The following TENM2 variants were observed in gnomAD, a reference collection of about 807,000 sequenced individuals.
The protein encoded by TENM2 is teneurin transmembrane protein 2.
Under a neutral mutation model 245.2 loss-of-function variants are expected in TENM2, and 52 were observed. That is an observed-to-expected ratio of 0.21 (90% confidence interval 0.17 to 0.27). TENM2 has a LOEUF of 0.27. Ranked by LOEUF, TENM2 falls within the 10% of genes least tolerant of loss-of-function variation. TENM2 has a pLI of 1.00. For missense variants in TENM2, 3,046 were observed against 3,666.8 expected, an observed-to-expected ratio of 0.83 and a Z score of 4.37; for synonymous variants, 1,363 against 1,438.9, an observed-to-expected ratio of 0.95 and a Z score of 1.19.
chr5:167,283,237 C>T (rs547337825), upstream of TENM2, among the ~76,000 whole-genome samples: 7 of 151,752 alleles, frequency 4.6e-5, no homozygotes, highest in East Asian at 3.9e-4. Context: ...TCAGTAGAGA[C>T]GGGGTTTCAC....
At chr5:167,627,167 C>A (rs1324725727) in intron 2 of TENM2, among the ~76,000 whole-genome samples, 1 of 152,170 alleles carries the variant, frequency 6.6e-6, no homozygotes, top group African/African-American at 2.4e-5. Context: ...AAAGTTTAAA[C>A]CACTCTAATG....
At chr5:168,213,576 G>T (rs1316104743) in intron 20 of TENM2, among the ~76,000 whole-genome samples, 1 of 151,878 alleles carries the variant, frequency 6.6e-6, no homozygotes, top group Non-Finnish European at 1.5e-5. Context: ...TATAATCCCA[G>T]CACTTAGGGA....
Position 167,592,007 on chromosome 5 carries a change from G to C in TENM2, c.502+216534G>C, listed in dbSNP as rs544827983. ...GAGGGAGCTGAGATCAAGTGATACAGCATTTGCCAGGAGGTGGGTATTCCA... is the reference window on the plus strand; with the variant it reads ...GAGGGAGCTGAGATCAAGTGATACACCATTTGCCAGGAGGTGGGTATTCCA... On this transcript the variant is annotated intron_variant, in intron 2 of 28. Coordinates refer to ENST00000518659, the Ensembl canonical transcript of TENM2. Among the ~76,000 whole-genome samples, 7 of 152,334 alleles carry C rather than the reference G, an allele frequency of 4.6e-5. No individual in the cohort carries two copies. In the South Asian group the frequency reaches 1.2e-3, roughly 27 times the overall value.
the TENM2 span, among the ~76,000 whole-genome samples, chr5:167,267,113 G>A: frequency 6.6e-6 from 1 of 152,100 alleles, no homozygotes; most frequent in Non-Finnish European, 1.5e-5. Flanking sequence ...TCGTGCTGGT[G>A]AACCTAGGAA....
chr5:167,013,801 GT>G, the TENM2 span, among the ~76,000 whole-genome samples: 1 of 152,220 alleles, frequency 6.6e-6, no homozygotes, highest in Non-Finnish European at 1.5e-5. Flanking sequence ...ATTTGGGCAA[GT>G]TTACTTCCTA....
At chr5:168,170,554 A>G (rs1562242685) in intron 13 of TENM2, among the ~76,000 whole-genome samples, 1 of 151,962 alleles carries the variant, frequency 6.6e-6, no homozygotes, top group East Asian at 1.9e-4. Flanking sequence ...AGGAAGGAAG[A>G]AAGGAAGGAA....
chr5:167,086,929 G>GCACACACACACA, the TENM2 span, among the ~76,000 whole-genome samples: 2 of 90,856 alleles, frequency 2.2e-5, no homozygotes, highest in African/African-American at 6.5e-5. Context: ...ACACACACAC[G>GCACACACACACA]CACACACACA....
intron 1 of TENM2, among the ~76,000 whole-genome samples, chr5:167,358,476 T>G (rs1360867633): frequency 3.3e-5 from 5 of 151,290 alleles, no homozygotes; most frequent in African/African-American, 1.2e-4. Flanking sequence ...CTTCTTTTTT[T>G]TTTTCTGTTT....
In TENM2 at chr5:167,430,307, C is replaced by G. The variant is rs1344746847; in HGVS notation, c.502+54834C>G. Among the ~76,000 whole-genome samples the G allele has an allele frequency of 2.6e-5, 4 of 152,150 alleles. 1 individual carries two copies. In the South Asian group the frequency reaches 8.3e-4, roughly 32 times the overall value. Reference sequence around the variant, plus strand: ...AATGGCCATCACGATCAATCAAACTCGTACGGTAGAGATTAAATAAAATAA... The same window carrying G: ...AATGGCCATCACGATCAATCAAACTGGTACGGTAGAGATTAAATAAAATAA... On this transcript the variant is annotated intron_variant, in intron 2 of 28. Coordinates refer to ENST00000518659, the Ensembl canonical transcript of TENM2.
chr5:168,194,096 C>T (rs547516040), intron 14 of TENM2, among the ~76,000 whole-genome samples: 3 of 152,282 alleles, frequency 2.0e-5, no homozygotes, highest in Admixed American at 6.5e-5. Context: ...AAAATCGAGC[C>T]GACTTTGACA....
intron 4 of TENM2, among the ~76,000 whole-genome samples, chr5:167,963,103 A>C (rs957502548): frequency 6.6e-6 from 1 of 152,216 alleles, no homozygotes; most frequent in African/African-American, 2.4e-5. Flanking sequence ...AAAGTTACAG[A>C]GATTTTATAG....
intron 2 of TENM2, among the ~76,000 whole-genome samples, chr5:167,713,872 A>G: frequency 6.6e-6 from 1 of 152,114 alleles, no homozygotes; most frequent in East Asian, 1.9e-4. Context: ...CATTCCCAAT[A>G]TTGACATGCT....
At chr5:167,613,856 G>A (rs1175580721) in intron 2 of TENM2, among the ~76,000 whole-genome samples, 1 of 152,102 alleles carries the variant, frequency 6.6e-6, no homozygotes, top group Non-Finnish European at 1.5e-5. Flanking sequence ...TGCAACGGTG[G>A]AAGAAATTTT....
the TENM2 span, among the ~76,000 whole-genome samples, chr5:167,126,350 C>T: frequency 2.6e-4 from 40 of 152,288 alleles, no homozygotes; most frequent in African/African-American, 8.4e-4. Context: ...CTTCCCTTCC[C>T]AGCTTCCAAA....
intron 1 of TENM2, among the ~76,000 whole-genome samples, chr5:167,348,012 G>T (rs1208694921): frequency 6.6e-6 from 1 of 152,150 alleles, no homozygotes; most frequent in African/African-American, 2.4e-5. Flanking sequence ...AGAAGTGATC[G>T]CATCCAAAAT....
chr5:168,239,908 AG>A (rs1765933380), intron 25 of TENM2, among the ~76,000 whole-genome samples: 1 of 152,146 alleles, frequency 6.6e-6, no homozygotes, highest in Admixed American at 6.6e-5. Flanking sequence ...AGAATCACCC[AG>A]GGAGGTTTTA....
At chr5:168,014,163 C>T (rs781297353) in intron 5 of TENM2, among the ~76,000 whole-genome samples, 1 of 152,158 alleles carries the variant, frequency 6.6e-6, no homozygotes, top group Non-Finnish European at 1.5e-5. Context: ...ATTCGTAATA[C>T]AAGATTTTTC....
chr5:167,654,768 G>T (rs1561642357), intron 2 of TENM2, among the ~76,000 whole-genome samples: 1 of 152,020 alleles, frequency 6.6e-6, no homozygotes, highest in African/African-American at 2.4e-5. Context: ...ATGGGGTAGT[G>T]AATTTCATTT....
At chr5:168,197,088 A>ATTTTACT (rs1761497807) in intron 15 of TENM2, among the ~76,000 whole-genome samples, 1 of 152,182 alleles carries the variant, frequency 6.6e-6, no homozygotes, top group African/African-American at 2.4e-5. Context: ...ACTAGGAACA[A>ATTTTACT]TTTTACTTCA....
Sources: gnomAD v4.1 joint callset for allele counts (sites outside exome capture counted in the v4.1 genomes callset) on GRCh38, gnomAD v4.1.1 for gene constraint, MANE v1.5 for transcripts, NCBI Gene and HGNC (gene_info 2026-07-23, HGNC 2026-07-21) for gene names.